CFAP61: variants seen among roughly 807,000 people sequenced by gnomAD.
CFAP61 encodes the protein cilia and flagella associated protein 61, also known as cilia- and flagella-associated protein 61.
In CFAP61, 107 loss-of-function variants were observed where a neutral mutation model predicts 135.6. The observed-to-expected ratio is 0.79, with a 90% CI of 0.67 to 0.93. The LOEUF is 0.93. CFAP61 is among the 40% of genes least tolerant of loss of function. The pLI, the probability that CFAP61 is intolerant of heterozygous loss-of-function variation, is 0.00. For synonymous variants in CFAP61, 575 were observed against 578.5 expected (o/e 0.99, Z 0.09); for missense variants, 1,507 against 1,556.2 (o/e 0.97, Z 0.53).
intron 8 of CFAP61, among the ~76,000 whole-genome samples, chr20:20,135,575 C>G (rs2050859199): frequency 6.6e-6 from 1 of 152,090 alleles, no homozygotes; most frequent in Non-Finnish European, 1.5e-5. Flanking sequence ...TAATATAACC[C>G]ATTATTTTAA....
chr20:20,188,178 A>G, intron 14 of CFAP61, 122 bp downstream of exon 14: 1 of 973,846 alleles, frequency 1.0e-6, no homozygotes, highest in Non-Finnish European at 1.5e-6. Context: ...CAGTGGAGGT[A>G]GAGTTAGAAG....
At position 20,352,626 on chromosome 20, in the gene CFAP61, A is replaced by C. The variant is rs542373646; in HGVS notation, c.3514-7584A>C. On this transcript the variant is annotated intron_variant, in intron 26 of 26. Coordinates refer to ENST00000245957, the MANE Select transcript of CFAP61 (RefSeq NM_015585.4). ...AATAAATGGTATTGGGAAAATGGGA[A>C]CATTCCACATGCAGAAGAATGAAAT... is the stretch of plus-strand genomic sequence containing the variant. Among the ~76,000 whole-genome samples the C allele has an allele frequency of 6.6e-5, 10 of 152,362 alleles. No individual in the cohort carries two copies. In the East Asian group the frequency reaches 1.9e-3, roughly 29 times the overall value.
chr20:20,162,940 T>G (rs1601084924), intron 10 of CFAP61, among the ~76,000 whole-genome samples: 1 of 152,170 alleles, frequency 6.6e-6, no homozygotes, highest in Non-Finnish European at 1.5e-5. Flanking sequence ...GGATAAGATG[T>G]GGGGAAGAGG....
chr20:20,081,971 G>A (rs751599187), intron 6 of CFAP61, among the ~76,000 whole-genome samples: 2 of 152,172 alleles, frequency 1.3e-5, no homozygotes, highest in Non-Finnish European at 2.9e-5. Context: ...AGAGAGTGTG[G>A]CACATTTTAG....
chr20:20,164,837 C>G (rs1274212225), intron 11 of CFAP61, among the ~76,000 whole-genome samples: 1 of 152,144 alleles, frequency 6.6e-6, no homozygotes, highest in Non-Finnish European at 1.5e-5. Context: ...TTCCACGTGG[C>G]TGGGGAGGCC....
intron 1 of CFAP61, among the ~76,000 whole-genome samples, chr20:20,055,272 C>A (rs544632443): frequency 1.3e-5 from 2 of 152,102 alleles, no homozygotes; most frequent in Admixed American, 1.3e-4. Flanking sequence ...TTGGTGACTC[C>A]CATAATACAC....
chr20:20,096,717 C>G (rs1288567299), intron 7 of CFAP61, among the ~76,000 whole-genome samples: 1 of 152,228 alleles, frequency 6.6e-6, no homozygotes, highest in African/African-American at 2.4e-5. Flanking sequence ...GGTTAATCAG[C>G]GTCTGCTGAG....
At chr20:20,259,271 T>G (rs974674949) in intron 20 of CFAP61, among the ~76,000 whole-genome samples, 3 of 86,724 alleles carry the variant, frequency 3.5e-5, no homozygotes, top group Non-Finnish European at 6.8e-5. Flanking sequence ...TTTTTTTTTT[T>G]TGACAAGTTC....
At chr20:20,146,247 C>A (rs1020224234) in intron 9 of CFAP61, among the ~76,000 whole-genome samples, 2 of 152,118 alleles carry the variant, frequency 1.3e-5, no homozygotes, top group African/African-American at 4.8e-5. Flanking sequence ...GGGTAACACC[C>A]TACAACTGGA....
chr20:20,215,282 A>G (rs1264229182), intron 17 of CFAP61: 1 of 152,228 alleles, frequency 6.6e-6, no homozygotes, highest in African/African-American at 2.4e-5. Flanking sequence ...GCAAGCAAAT[A>G]AATAATTAGT....
intron 21 of CFAP61, chr20:20,265,662 A>G (rs2424303): frequency 0.64 from 391,205 of 608,924 alleles, 129,840 homozygotes; most frequent in Middle Eastern, 0.8. Context: ...TGACTCCCCC[A>G]GGCACCTCTC....
At chr20:20,085,186 A>G (rs1363452473) in intron 6 of CFAP61, 2 of 985,320 alleles carry the variant, frequency 2.0e-6, no homozygotes, top group Non-Finnish European at 2.4e-6. Context: ...CTGCGGTGCC[A>G]AATTCACAGT....
chr20:20,329,508 C>T (rs1412186898), intron 25 of CFAP61, among the ~76,000 whole-genome samples: 3 of 152,178 alleles, frequency 2.0e-5, no homozygotes, highest in African/African-American at 7.2e-5. Context: ...TTTAGCAGGG[C>T]CCCTTTGCTT....
At chr20:20,239,395 T>C (rs1055799832) in intron 18 of CFAP61, among the ~76,000 whole-genome samples, 9 of 152,212 alleles carry the variant, frequency 5.9e-5, no homozygotes, top group African/African-American at 9.6e-5. Flanking sequence ...GAACCTTCTC[T>C]GAATAGCAAG....
At chr20:20,065,981 C>A (rs1165152007) in intron 2 of CFAP61, among the ~76,000 whole-genome samples, 1 of 122,154 alleles carries the variant, frequency 8.2e-6, no homozygotes, top group African/African-American at 2.7e-5. Flanking sequence ...AGAACTTAAA[C>A]AAATTTACAA....
chr20:20,074,211 TG>T, intron 3 of CFAP61, 90 bp from the exon 4 acceptor site: 1 of 958,324 alleles, frequency 1.0e-6, no homozygotes, highest in Non-Finnish European at 1.7e-6. Flanking sequence ...GTTCTGTGTC[TG>T]TGGATGCCCC....
intron 26 of CFAP61, among the ~76,000 whole-genome samples, chr20:20,351,464 C>G (rs984419073): frequency 6.6e-6 from 1 of 151,986 alleles, no homozygotes; most frequent in Admixed American, 6.6e-5. Context: ...TGCCTGTAAT[C>G]CCAGCTACTC....
intron 18 of CFAP61, among the ~76,000 whole-genome samples, chr20:20,241,258 C>T (rs147554503): frequency 1.1e-4 from 17 of 151,976 alleles, no homozygotes; most frequent in East Asian, 3.9e-4. Flanking sequence ...TGTGCTCACC[C>T]GAGTATGAGG....
chr20:20,072,393 G>A (rs980093843), intron 3 of CFAP61, among the ~76,000 whole-genome samples: 2 of 152,048 alleles, frequency 1.3e-5, no homozygotes, highest in Admixed American at 6.6e-5. Context: ...GGGATTACAG[G>A]TGTGAGCCAC....
Sources: allele counts gnomAD v4.1 joint callset (sites outside exome capture counted in the v4.1 genomes callset), GRCh38; gene constraint gnomAD v4.1.1; transcripts MANE v1.5; gene names NCBI Gene and HGNC (gene_info 2026-07-23, HGNC 2026-07-21).